The following PTK2B variants were observed in gnomAD, a reference collection of about 807,000 sequenced individuals.
PTK2B encodes protein tyrosine kinase 2 beta, also known as protein-tyrosine kinase 2-beta.
PTK2B carries 71 observed loss-of-function variants against 142.9 expected under a neutral mutation model. The observed-to-expected ratio is 0.50, with a 90% confidence interval of 0.41 to 0.61. The LOEUF (loss-of-function observed/expected upper bound fraction) is 0.61, where lower values mean the gene tolerates loss of function less well. Ranked by LOEUF, PTK2B falls within the 20% of genes least tolerant of loss-of-function variation. PTK2B has a pLI of 0.00. For synonymous variants in PTK2B, 519 were observed against 503.4 expected (o/e 1.03, Z -0.42); for missense variants, 1,105 against 1,320.4 (o/e 0.84, Z 2.53).
At chr8:27,403,256 A>T (rs891102433) in intron 2 of PTK2B, among the ~76,000 whole-genome samples, 15 of 152,144 alleles carry the variant, frequency 9.9e-5, no homozygotes, top group Non-Finnish European at 1.9e-4. Flanking sequence ...TGAGATCCTG[A>T]CACCCCCACA....
chr8:27,338,530 A>G (rs1290524710), intron 1 of PTK2B, among the ~76,000 whole-genome samples: 7 of 152,220 alleles, frequency 4.6e-5, no homozygotes, highest in Admixed American at 3.3e-4. Flanking sequence ...CTGTTCCCCA[A>G]AAACCTATGG....
At chr8:27,388,196 A>AT (rs1158878012) in intron 1 of PTK2B, among the ~76,000 whole-genome samples, 1 of 152,228 alleles carries the variant, frequency 6.6e-6, no homozygotes, top group Non-Finnish European at 1.5e-5. Flanking sequence ...AAATTGAAGC[A>AT]TTGATTCATC....
intron 15 of PTK2B, 54 bp from the exon 16 acceptor site, chr8:27,437,068 A>G: frequency 1.3e-6 from 2 of 1,556,334 alleles, no homozygotes; most frequent in South Asian, 1.1e-5. Context: ...AGGAGGGAAC[A>G]TTCTGCTGAG....
chr8:27,411,047 C>T (rs930100914), intron 2 of PTK2B, among the ~76,000 whole-genome samples: 1 of 152,196 alleles, frequency 6.6e-6, no homozygotes, highest in African/African-American at 2.4e-5. Flanking sequence ...CAGTCCTGGG[C>T]TTACCCAAAT....
chr8:27,330,876 C>T (rs1183280345), intron 1 of PTK2B, among the ~76,000 whole-genome samples: 1 of 152,212 alleles, frequency 6.6e-6, no homozygotes, highest in Admixed American at 6.5e-5. Context: ...TTCGTGGCCT[C>T]TTACCTTTTC....
chr8:27,404,338 T>G (rs1808573867), intron 2 of PTK2B, among the ~76,000 whole-genome samples: 1 of 152,128 alleles, frequency 6.6e-6, no homozygotes, highest in South Asian at 2.1e-4. Context: ...GGGTATGGTG[T>G]TGTTCAGAGG....
intron 2 of PTK2B, among the ~76,000 whole-genome samples, chr8:27,406,886 C>CA (rs1224127777): frequency 6.6e-6 from 1 of 152,192 alleles, no homozygotes; most frequent in African/African-American, 2.4e-5. Flanking sequence ...GAGGCAGGCA[C>CA]TGCATGTCAC....
chr8:27,437,520 A>G, intron 17 of PTK2B, 24 bp downstream of exon 17: 3 of 1,551,122 alleles, frequency 1.9e-6, no homozygotes, highest in Non-Finnish European at 2.6e-6. Flanking sequence ...CCCTGCGATG[A>G]CAACTGGGCT....
chr8:27,451,521 C>T lies in PTK2B; in HGVS notation c.2548+12C>T, dbSNP rs764867659. 5.0e-6 allele frequency: 8 copies of T among 1,614,012 alleles called. No homozygotes were observed. The Admixed American group carries it at 5.0e-5, about 10-fold the overall frequency. On this transcript the variant is annotated intron_variant, in intron 27 of 30. Transcript: ENST00000346049. ...GGAGGTCGGCTACCGTGAGTGTTCC[C>T]GCCCTTCTTCGGGGGGTTTCCTCTT... is the stretch of plus-strand genomic sequence containing the variant.
At chr8:27,451,021 G>T in intron 25 of PTK2B, 22 bp from the exon 26 acceptor site, 1 of 1,611,046 alleles carries the variant, frequency 6.2e-7, no homozygotes, top group Non-Finnish European at 8.5e-7. Flanking sequence ...TTAGTCCTTC[G>T]CTCTTGTTTC....
chr8:27,367,883 A>G (rs1425088381), intron 1 of PTK2B, among the ~76,000 whole-genome samples: 1 of 152,190 alleles, frequency 6.6e-6, no homozygotes, highest in Non-Finnish European at 1.5e-5. Flanking sequence ...ACATGACCCA[A>G]ACACCTCCCA....
intron 30 of PTK2B, among the ~76,000 whole-genome samples, chr8:27,455,876 G>A (rs1812112225): frequency 6.6e-6 from 1 of 152,260 alleles, no homozygotes; most frequent in African/African-American, 2.4e-5. Context: ...TTCTCCGTCT[G>A]GAGCCCTTTG....
rs748624795 is a variant in PTK2B at position 27,433,550 on chromosome 8, A to C, written c.1103A>C (p.Lys368Thr). Residue 368 changes from lysine (K) to threonine (T), a missense_variant and splice_region_variant, in exon 11 of 31, where the codon AAA becomes ACA. Physicochemically the swap from Lys to Thr is moderately conservative, Grantham distance 78. Transcript: ENST00000346049. ...HQGSLIIHPR[K>T]DGEKRNSLPQ... is the part of the protein sequence containing the mutation. ...GGCTCTCTCATCATCCATCCTAGGA[A>C]AGGTGGGTTCCATTTAAAGGTAAAG... 19 of 1,612,626 alleles carry C rather than the reference A, an allele frequency of 1.2e-5. No homozygotes were observed. In the South Asian group the frequency reaches 2.0e-4, roughly 17 times the overall value.
Position 27,430,144 on chromosome 8 carries a change from C to T in PTK2B, c.603C>T (p.Phe201=), listed in dbSNP as rs145177380. 4.3e-6 allele frequency: 7 copies of T among 1,613,528 alleles called. No homozygotes were observed. In the Admixed American group the frequency reaches 6.7e-5, roughly 15 times the overall value. Residue 201 remains phenylalanine, a synonymous_variant, in exon 6 of 31, where the codon TTC becomes TTT. Coordinates refer to ENST00000346049, the MANE Select transcript of PTK2B (RefSeq NM_173176.3). The part of the protein sequence containing the change: ...PHNALDKKSN[F]ELLEKEVGLD... ...ATGCACTTGACAAGAAGTCCAACTT[C>T]GAGCTCCTAGAGTAAGTTCTGGGAT...
chr8:27,373,127 C>T (rs1806461558), intron 1 of PTK2B, among the ~76,000 whole-genome samples: 1 of 152,088 alleles, frequency 6.6e-6, no homozygotes, highest in African/African-American at 2.4e-5. Flanking sequence ...TGCAAGTTAC[C>T]ACTGCTGCTG....
rs561612629 is a variant in PTK2B, at chr8:27,417,013, T to G, written c.205-2882T>G. On this transcript the variant is annotated intron_variant, in intron 2 of 30. Transcript: ENST00000346049. ...CTCATGTCACAGGAGAAATATAAAA[T>G]GGAATAATCCTGACAGTTGCTCATA... is the stretch of plus-strand genomic sequence containing the variant. 2.6e-5 allele frequency among the ~76,000 whole-genome samples: 4 copies of G among 152,330 alleles called. No homozygotes were observed. The South Asian group carries it at 8.3e-4, about 32-fold the overall frequency.
chr8:27,310,746 G>T, upstream of PTK2B: 1 of 1,520,228 alleles, frequency 6.6e-7, no homozygotes, highest in Middle Eastern at 2.2e-4. Flanking sequence ...GCAGAGCCAA[G>T]GGATTCCGGG....
chr8:27,382,542 G>A (rs1474317793), intron 1 of PTK2B, among the ~76,000 whole-genome samples: 1 of 151,534 alleles, frequency 6.6e-6, no homozygotes, highest in East Asian at 1.9e-4. Context: ...GCAACATAGT[G>A]AGATGCTGTC....
At chr8:27,451,372 T>C (rs1165224431) in intron 26 of PTK2B, 113 bp from the exon 27 acceptor site, 1 of 1,525,856 alleles carries the variant, frequency 6.6e-7, no homozygotes, top group Non-Finnish European at 8.9e-7. Context: ...CCCGACCCCA[T>C]GGCTGTAATC....
Sources: gnomAD v4.1 joint callset for allele counts (sites outside exome capture counted in the v4.1 genomes callset) on GRCh38, gnomAD v4.1.1 for gene constraint, MANE v1.5 for transcripts, NCBI Gene and HGNC (gene_info 2026-07-23, HGNC 2026-07-21) for gene names.